The following MTSS2 variants were observed in gnomAD, a reference collection of about 807,000 sequenced individuals.
MTSS2 encodes the protein MTSS I-BAR domain containing 2.
In MTSS2, 27 loss-of-function variants were observed where a neutral mutation model predicts 67.1. The ratio of observed to expected loss-of-function variants is 0.40; its 90% CI spans 0.30 to 0.55. The LOEUF is 0.55. Among genes scored for constraint, MTSS2 ranks in the 20% least tolerant of loss-of-function variants. MTSS2 has a pLI of 0.43. For synonymous variants in MTSS2, 624 were observed against 468.6 expected, an observed-to-expected ratio of 1.33 and a Z score of -4.28; for missense variants, 1,171 against 1,067.8, an observed-to-expected ratio of 1.10 and a Z score of -1.35.
rs938625170 is a variant in MTSS2 at position 70,680,984 on chromosome 16, C to T, written c.111G>A (p.Thr37=). 1.3e-5 allele frequency: 21 copies of T among 1,609,350 alleles called. No homozygotes were observed. The highest frequency in any genetic ancestry group is 3.4e-5 in the Admixed American group (2 of 59,334). ...PIWEDFNSKA[T]KLHSQLRTTV... The stretch of plus-strand genomic sequence containing the variant: ...CTCACCTCAGCTGGGAATGCAGCTT[C>T]GTGGCCTTGGAGTTGAAGTCCTCCC... The change falls in exon 2 of 15, where the codon ACG becomes ACA. Residue 37 remains threonine (T), a synonymous_variant. Coordinates refer to ENST00000338779, the MANE Select transcript of MTSS2 (RefSeq NM_138383.3).
In MTSS2 at chr16:70,661,229, A is replaced by G. The variant is rs1326213580; in HGVS notation, c.*2448T>C. ...TGTTAATTACAGTACACCTTTATTA[A>G]TACTGGAATCTTCACAGTGCATCTG... On this transcript the variant is annotated 3_prime_UTR_variant, in exon 15 of 15. Coordinates refer to ENST00000338779, the MANE Select transcript of MTSS2 (RefSeq NM_138383.3). 8.8e-6 allele frequency: 4 copies of G among 455,252 alleles called. No individual in the cohort carries two copies. Among genetic ancestry groups the G allele is most frequent in the Non-Finnish European group, 1.8e-5 (4 of 226,634 alleles). 28.2% of individuals were successfully genotyped at this position (455,252 alleles called of 1,614,324 possible).
intron 11 of MTSS2, among the ~76,000 whole-genome samples, chr16:70,672,333 G>A (rs1449644973): frequency 2.5e-5 from 2 of 78,794 alleles, no homozygotes; most frequent in Admixed American, 3.8e-4. Flanking sequence ...GGTGATAAGA[G>A]CAAAATTCAA....
chr16:70,685,041 G>C (rs766238296), intron 1 of MTSS2, among the ~76,000 whole-genome samples: 15 of 152,180 alleles, frequency 9.9e-5, no homozygotes, highest in Non-Finnish European at 2.1e-4. Context: ...GGAGCTGAGA[G>C]CCCAGGGTGG....
chr16:70,674,071 G>A (rs1281099780), intron 11 of MTSS2, among the ~76,000 whole-genome samples: 1 of 152,170 alleles, frequency 6.6e-6, no homozygotes, highest in East Asian at 1.9e-4. Context: ...AGAAAATCTA[G>A]GCATTATGCT....
chr16:70,662,817 A>C lies in MTSS2; in HGVS notation c.*860T>G, dbSNP rs965866950. On this transcript the variant is annotated 3_prime_UTR_variant, in exon 15 of 15. Transcript: ENST00000338779. Reference sequence around the variant, plus strand: ...CCAGTCACCCCCCGAAAGGTGGCTAAAACTGTGACCCCCAAAGTTAAAAGA... The same window carrying C: ...CCAGTCACCCCCCGAAAGGTGGCTACAACTGTGACCCCCAAAGTTAAAAGA... The C allele has an allele frequency of 5.2e-5, 8 of 152,626 alleles. No homozygotes were observed. Among genetic ancestry groups the C allele is most frequent in the Admixed American group, 3.9e-4 (6 of 15,308 alleles). The allele number at this position is 152,626 out of a possible 1,614,324, so 9.5% of individuals were successfully genotyped here.
rs766163801 is a variant in MTSS2 at position 70,664,084 on chromosome 16, C to T, written c.1837G>A (p.Glu613Lys). ...GYMGPTRAGS[E>K]ECVFYTDETA... ...TCGTCGGTATAGAAGACGCACTCCT[C>T]ACTGCCCGCCCGTGTGGGCCCCATG... Residue 613 changes from glutamate (E) to lysine (K), a missense_variant, in exon 15 of 15, where the codon GAG becomes AAG. Glu to Lys is a moderately conservative substitution (Grantham distance 56). Around this residue, in one of 2 missense-constraint regions of MTSS2, gnomAD observed 924 missense variants for 756.0 expected, o/e 1.22. Transcript: ENST00000338779. 2 of 1,611,814 alleles carry T rather than the reference C, an allele frequency of 1.2e-6. No homozygotes were observed. The highest frequency in any genetic ancestry group is 3.3e-5 in the Admixed American group (2 of 59,920).
rs1020429348 is a variant in MTSS2, at chr16:70,663,321, G to A, written c.*356C>T. 16 of 277,956 alleles carry A rather than the reference G, an allele frequency of 5.8e-5. No individual in the cohort carries two copies. Among genetic ancestry groups the A allele is most frequent in the Admixed American group, 1.9e-4 (4 of 20,850 alleles). 17.2% of individuals were successfully genotyped at this position (277,956 alleles called of 1,614,324 possible). On this transcript the variant is annotated 3_prime_UTR_variant, in exon 15 of 15. Coordinates refer to ENST00000338779, the MANE Select transcript of MTSS2 (RefSeq NM_138383.3). ...GGCAGGACCAGCCCTGGGAGAGGCC[G>A]GGATGGTGAAAGGGAGGCCAGCCTG...
chr16:70,683,570 A>C (rs114264693), intron 1 of MTSS2, among the ~76,000 whole-genome samples: 7,728 of 152,296 alleles, frequency 0.051, 410 homozygotes, highest in African/African-American at 0.14. Flanking sequence ...CGTGCCCAGA[A>C]CTATGACCTT....
At position 70,680,885 on chromosome 16, in the gene MTSS2, G is replaced by T; in HGVS notation, c.132-18C>A. ...CGGTGGTCCTGGGGAGAGGGACAACGGCATGGATGGTCGGTGGTTGGGCGG... is the reference window on the plus strand; with the variant it reads ...CGGTGGTCCTGGGGAGAGGGACAACTGCATGGATGGTCGGTGGTTGGGCGG... On this transcript the variant is annotated intron_variant, in intron 2 of 14. Coordinates refer to ENST00000338779, the MANE Select transcript of MTSS2 (RefSeq NM_138383.3). 1 of 1,534,780 alleles carries T rather than the reference G, an allele frequency of 6.5e-7. No individual in the cohort carries two copies. Among genetic ancestry groups the T allele is most frequent in the South Asian group, 1.2e-5 (1 of 84,580 alleles).
Position 70,678,652 on chromosome 16 carries a change from T to C in MTSS2, c.467-243A>G, listed in dbSNP as rs536060476. 4.9e-4 allele frequency among the ~76,000 whole-genome samples: 75 copies of C among 152,278 alleles called. 2 individuals are homozygous for C. In the South Asian group the frequency reaches 0.015, roughly 30 times the overall value. On this transcript the variant is annotated intron_variant, in intron 7 of 14. Transcript: ENST00000338779. Reference sequence around the variant, plus strand: ...GCCAAAGCTGCAAAGCCACGCTGGATTGGGGCATCTCCGGGGGAGGCTCTT... The same window carrying C: ...GCCAAAGCTGCAAAGCCACGCTGGACTGGGGCATCTCCGGGGGAGGCTCTT...
In MTSS2 at chr16:70,665,016, T is replaced by G. The variant is rs768982709; in HGVS notation, c.1209A>C (p.Arg403=). The G allele has an allele frequency of 1.1e-5, 17 of 1,595,612 alleles. No individual in the cohort carries two copies. Among genetic ancestry groups the G allele is most frequent in the African/African-American group, 1.3e-5 (1 of 74,908 alleles). ...CACTGGCAGGGCCTGGCTCTGTGTC[T>G]CGCAGGAGCTCCACTCGGTCCTTCC... ...QRRKDRVELL[R]DTEPGPASGG... The change falls in exon 13 of 15, where the codon CGA becomes CGC. Residue 403 remains arginine, a synonymous_variant. Transcript: ENST00000338779.
In MTSS2 at chr16:70,683,096, C is replaced by T. The variant is rs2053349518; in HGVS notation, c.70-2071G>A. Among the ~76,000 whole-genome samples, 4 of 152,184 alleles carry T rather than the reference C, an allele frequency of 2.6e-5. No individual in the cohort carries two copies. In the South Asian group the frequency reaches 8.3e-4, roughly 32 times the overall value. Reference sequence around the variant, plus strand: ...TGCTCTGGAGTGGGGAGGTGAGGGGCTTCTCATTAGAGGCGCCCAAGTGGA... The same window carrying T: ...TGCTCTGGAGTGGGGAGGTGAGGGGTTTCTCATTAGAGGCGCCCAAGTGGA... On this transcript the variant is annotated intron_variant, in intron 1 of 14. Transcript: ENST00000338779.
rs559963342 is a variant in MTSS2 at position 70,669,709 on chromosome 16, C to T, written c.1054-4169G>A. On this transcript the variant is annotated intron_variant, in intron 11 of 14. Transcript: ENST00000338779. ...GCACACGCCTGTAATCCCAGCTACT[C>T]GGGAGGCTGAGGCAGGAGAATTGCC... Among the ~76,000 whole-genome samples the T allele has an allele frequency of 3.5e-4, 52 of 150,714 alleles. 1 individual carries two copies. Among genetic ancestry groups the T allele is most frequent in the Non-Finnish European group, 2.1e-4 (14 of 67,700 alleles).
Position 70,664,250 on chromosome 16 carries a change from T to C in MTSS2, c.1671A>G (p.Ala557=), listed in dbSNP as rs1597795402. ...GGCGGATGGTGGCCACGCCGGGGGGTGCGCCCGAGGGCAGGCCAGTGGCCG... is the reference window on the plus strand; with the variant it reads ...GGCGGATGGTGGCCACGCCGGGGGGCGCGCCCGAGGGCAGGCCAGTGGCCG... ...LPTATGLPSG[A]PPGVATIRRT... is the part of the protein sequence containing the mutation. Residue 557 remains alanine, a synonymous_variant, in exon 15 of 15, where the codon GCA becomes GCG. Coordinates refer to ENST00000338779, the MANE Select transcript of MTSS2 (RefSeq NM_138383.3). 1 of 1,560,850 alleles carries C rather than the reference T, an allele frequency of 6.4e-7. No homozygotes were observed. Among genetic ancestry groups the C allele is most frequent in the South Asian group, 1.2e-5 (1 of 83,164 alleles).
At chr16:70,664,564 T>G (rs761599922) in intron 14 of MTSS2, 34 bp downstream of exon 14, 9 of 1,603,372 alleles carry the variant, frequency 5.6e-6, no homozygotes, top group Non-Finnish European at 7.7e-6. Context: ...AAGTCCCAGC[T>G]GTCCCTGGTC....
intron 11 of MTSS2, among the ~76,000 whole-genome samples, chr16:70,666,179 G>C (rs897196412): frequency 6.6e-6 from 1 of 152,152 alleles, no homozygotes; most frequent in Non-Finnish European, 1.5e-5. Flanking sequence ...GTAAAGGAGA[G>C]CCTGCTCTGC....
At position 70,661,294 on chromosome 16, in the gene MTSS2, GT is replaced by G. The variant is rs1453908990; in HGVS notation, c.*2382del. On this transcript the variant is annotated 3_prime_UTR_variant, in exon 15 of 15. Transcript: ENST00000338779. ...GACTATATTTAAATCGGGGAGGATG[GT>G]GTGGAGGGGGCGGGGAGGAGAGGAG... 1 of 455,068 alleles carries G rather than the reference GT, an allele frequency of 2.2e-6. No individual in the cohort carries two copies. The highest frequency in any genetic ancestry group is 4.4e-6 in the Non-Finnish European group (1 of 226,654). The allele number at this position is 455,068 out of a possible 1,614,324, so 28.2% of individuals were successfully genotyped here.
rs550219464 is a variant in MTSS2 at position 70,678,542 on chromosome 16, G to A, written c.467-133C>T. 93 of 1,037,958 alleles carry A rather than the reference G, an allele frequency of 9.0e-5. 1 individual carries two copies. The highest frequency in any genetic ancestry group is 7.8e-4 in the South Asian group (47 of 60,486). 64.3% of individuals were successfully genotyped at this position (1,037,958 alleles called of 1,614,324 possible). A position where few individuals can be genotyped will look rare whatever the true frequency, so the allele number is the denominator to read the frequency against. On this transcript the variant is annotated intron_variant, in intron 7 of 14. Coordinates refer to ENST00000338779, the MANE Select transcript of MTSS2 (RefSeq NM_138383.3). The stretch of plus-strand genomic sequence containing the variant: ...TGTTGCCCTGGGGCCAGGGGACTGC[G>A]GAGGGCAGTGAGGACTCTGGGGCTT...
chr16:70,680,644 T>A (rs1217943773), intron 3 of MTSS2, 150 bp downstream of exon 3: 4 of 676,492 alleles, frequency 5.9e-6, no homozygotes, highest in Admixed American at 2.6e-5. Context: ...GGGCTCACTC[T>A]CTCCACAACC....
Sources: allele counts gnomAD v4.1 joint callset (sites outside exome capture counted in the v4.1 genomes callset), GRCh38; gene constraint gnomAD v4.1.1; regional missense constraint gnomAD v4.1.1; transcripts MANE v1.5; gene names NCBI Gene and HGNC (gene_info 2026-07-23, HGNC 2026-07-21).